Variants in ABCA9 observed in about 807,000 individuals in gnomAD.
ABCA9 encodes the protein ATP binding cassette subfamily A member 9.
A neutral mutation model predicts 205.3 loss-of-function variants in ABCA9; 183 were observed. That is an observed-to-expected ratio of 0.89 (90% CI 0.79 to 1.01). ABCA9 has a LOEUF of 1.01. Among genes scored for constraint, ABCA9 ranks in the 50% least tolerant of loss-of-function variants. The pLI, the probability that ABCA9 is intolerant of heterozygous loss-of-function variation, is 0.00. For missense variants in ABCA9, 1,805 were observed against 1,912.4 expected (o/e 0.94, Z 1.05); for synonymous variants, 651 against 683.3 (o/e 0.95, Z 0.74).
chr17:68,994,916 C>G (rs2069567749), intron 26 of ABCA9, among the ~76,000 whole-genome samples: 2 of 152,128 alleles, frequency 1.3e-5, no homozygotes, highest in Admixed American at 6.5e-5. Flanking sequence ...AAAATCTACC[C>G]TCCCTATTCA....
At chr17:69,062,837 T>G (rs1246454018), upstream of ABCA9, among the ~76,000 whole-genome samples, 1 of 152,224 alleles carries the variant, frequency 6.6e-6, no homozygotes, top group African/African-American at 2.4e-5. Context: ...AAGAAGTTTT[T>G]GAATCAGTTT....
chr17:69,072,304 C>A, the ABCA9 span, among the ~76,000 whole-genome samples: 1 of 151,978 alleles, frequency 6.6e-6, no homozygotes, highest in African/African-American at 2.4e-5. Flanking sequence ...TCAGATTAAC[C>A]AAGGTTGAAA....
intron 37 of ABCA9, among the ~76,000 whole-genome samples, chr17:68,980,498 C>T (rs970851725): frequency 3.0e-4 from 46 of 151,952 alleles, no homozygotes; most frequent in East Asian, 1.5e-3. Flanking sequence ...ATGTTTATTG[C>T]GGCACTATTC....
At chr17:69,066,289 G>A in the ABCA9 span, among the ~76,000 whole-genome samples, 1 of 152,098 alleles carries the variant, frequency 6.6e-6, no homozygotes, top group Non-Finnish European at 1.5e-5. Flanking sequence ...ACCTCACAGA[G>A]CCTGGAACAT....
At chr17:69,022,014 T>C (rs1408293336) in intron 17 of ABCA9, 153 bp from the exon 18 acceptor site, 3 of 505,364 alleles carry the variant, frequency 5.9e-6, no homozygotes, top group East Asian at 7.7e-5. Context: ...ATCCATATAG[T>C]ATGTTACTTT....
intron 30 of ABCA9, 21 bp from the exon 31 acceptor site, chr17:68,989,139 C>G: frequency 6.9e-7 from 1 of 1,452,572 alleles, no homozygotes; most frequent in Non-Finnish European, 9.7e-7. Flanking sequence ...GTGGTATGCT[C>G]AGAAATATAC....
At chr17:69,030,273 A>G (rs2071115144) in intron 10 of ABCA9, among the ~76,000 whole-genome samples, 1 of 152,178 alleles carries the variant, frequency 6.6e-6, no homozygotes, top group Non-Finnish European at 1.5e-5. Context: ...AGGTGTCAAT[A>G]GATTTGGCTT....
intron 3 of ABCA9, among the ~76,000 whole-genome samples, chr17:69,046,843 C>G (rs989375422): frequency 2.1e-5 from 3 of 144,194 alleles, no homozygotes; most frequent in African/African-American, 7.7e-5. Flanking sequence ...TTCACATACA[C>G]TTTATACACA....
At chr17:69,074,743 T>A in the ABCA9 span, among the ~76,000 whole-genome samples, 1 of 152,206 alleles carries the variant, frequency 6.6e-6, no homozygotes, top group African/African-American at 2.4e-5. Context: ...TGGAAATTTA[T>A]CCATTTCCTC....
chr17:69,045,966 C>A (rs151332208), intron 3 of ABCA9, among the ~76,000 whole-genome samples: 2 of 152,020 alleles, frequency 1.3e-5, no homozygotes, highest in Non-Finnish European at 2.9e-5. Context: ...ATTTAACGCA[C>A]AATGAATTTC....
In ABCA9 at chr17:69,009,801, T is replaced by C. The variant is rs538633859; in HGVS notation, c.3148-1566A>G. 5.9e-5 allele frequency among the ~76,000 whole-genome samples: 9 copies of C among 152,240 alleles called. No homozygotes were observed. In the South Asian group the frequency reaches 1.7e-3, roughly 28 times the overall value. ...ATTCCATAAATATTTCAGAAGTATA[T>C]TCCGTGACTTCACCATTAGCCAGCT... On this transcript the variant is annotated intron_variant, in intron 23 of 38. Transcript: ENST00000340001.
intron 37 of ABCA9, among the ~76,000 whole-genome samples, chr17:68,978,047 G>C (rs1334154961): frequency 6.6e-6 from 1 of 152,146 alleles, no homozygotes; most frequent in South Asian, 2.1e-4. Flanking sequence ...GTCTCGATCT[G>C]TCTAATGTTG....
the ABCA9 span, among the ~76,000 whole-genome samples, chr17:69,078,160 T>C: frequency 6.6e-6 from 1 of 151,812 alleles, no homozygotes; most frequent in Admixed American, 6.6e-5. Context: ...TCTACTTGTG[T>C]GTCCAAGGAC....
intron 1 of ABCA9, chr17:69,051,555 CT>C (rs1280595286): frequency 5.8e-6 from 1 of 173,552 alleles, no homozygotes; most frequent in Non-Finnish European, 1.2e-5. Flanking sequence ...ATCAGTTCTG[CT>C]CCTGGATATG....
intron 25 of ABCA9, among the ~76,000 whole-genome samples, chr17:69,006,411 ATAAAT>A (rs2070129404): frequency 6.6e-6 from 1 of 152,252 alleles, no homozygotes; most frequent in African/African-American, 2.4e-5. Context: ...CAATGAATAA[ATAAAT>A]TATAGCACAT....
chr17:68,989,295 C>A (rs189693778), intron 30 of ABCA9, among the ~76,000 whole-genome samples, 177 bp from the exon 31 acceptor site: 1 of 150,680 alleles, frequency 6.6e-6, no homozygotes, highest in African/African-American at 2.5e-5. Flanking sequence ...CACACACACA[C>A]CCCTGAGCAT....
chr17:69,014,500 A>G (rs746698133), intron 22 of ABCA9, among the ~76,000 whole-genome samples: 1 of 152,208 alleles, frequency 6.6e-6, no homozygotes, highest in Non-Finnish European at 1.5e-5. Flanking sequence ...TGCTCAATCT[A>G]TAATAGGAAT....
intron 10 of ABCA9, among the ~76,000 whole-genome samples, chr17:69,031,544 G>A (rs2071149018): frequency 6.6e-6 from 1 of 152,148 alleles, no homozygotes; most frequent in Admixed American, 6.6e-5. Context: ...TAGCTGTTTG[G>A]AAATCAAAGC....
intron 37 of ABCA9, among the ~76,000 whole-genome samples, chr17:68,978,014 C>G (rs1415764961): frequency 6.6e-6 from 1 of 152,072 alleles, no homozygotes; most frequent in East Asian, 1.9e-4. Flanking sequence ...AATTCAATTC[C>G]TGGATATTCT....
Sources: gnomAD v4.1 joint callset for allele counts (sites outside exome capture counted in the v4.1 genomes callset) on GRCh38, gnomAD v4.1.1 for gene constraint, MANE v1.5 for transcripts, NCBI Gene and HGNC (gene_info 2026-07-23, HGNC 2026-07-21) for gene names.